CLCN7: variants seen among roughly 807,000 people sequenced by gnomAD.
CLCN7 encodes the protein H(+)/Cl(-) exchange transporter 7.
In CLCN7, 60 loss-of-function variants were observed where a neutral mutation model predicts 102.1. The ratio of observed to expected loss-of-function variants is 0.59; its 90% confidence interval spans 0.48 to 0.73. The LOEUF (loss-of-function observed/expected upper bound fraction) is 0.73, where lower values mean the gene tolerates loss of function less well. CLCN7 is among the 30% of genes least tolerant of loss of function. The pLI, the probability that CLCN7 is intolerant of heterozygous loss-of-function variation, is 0.00. For synonymous variants in CLCN7, 560 were observed against 490.5 expected (o/e 1.14, Z -1.87); for missense variants, 962 against 1,125.7 (o/e 0.85, Z 2.08).
At chr16:1,474,748 G>A (rs1345166024) in intron 1 of CLCN7, 86 bp downstream of exon 1, 3 of 1,129,952 alleles carry the variant, frequency 2.7e-6, no homozygotes, top group Non-Finnish European at 3.3e-6. Context: ...ACCGAGACAC[G>A]CGGCGCCGCC....
Position 1,474,256 on chromosome 16 carries a change from G to A in CLCN7, c.141+578C>T, listed in dbSNP as rs941402687. ...GCCTGCACATTGCAAATTCAACTCG[G>A]TGCGAAGGGAGACTGAGTACAAATA... On this transcript the variant is annotated intron_variant, in intron 1 of 24. Coordinates refer to ENST00000382745, the MANE Select transcript of CLCN7 (RefSeq NM_001287.6). 6.6e-6 allele frequency: 3 copies of A among 455,116 alleles called. No individual in the cohort carries two copies. In the Admixed American group the frequency reaches 7.1e-5, roughly 11 times the overall value. The allele number at this position is 455,116 out of a possible 1,614,324, so 28.2% of individuals were successfully genotyped here. A position where few individuals can be genotyped will look rare whatever the true frequency, so the allele number is the denominator to read the frequency against.
At position 1,446,385 on chromosome 16, in the gene CLCN7, C is replaced by G; in HGVS notation, c.*246G>C. Reference sequence around the variant, plus strand: ...AGCTGATCCCTGGAGGTAAAGAAACCTAGACGAGGAGAGTGGAGGCTGGGC... The same window carrying G: ...AGCTGATCCCTGGAGGTAAAGAAACGTAGACGAGGAGAGTGGAGGCTGGGC... On this transcript the variant is annotated 3_prime_UTR_variant, in exon 25 of 25. Transcript: ENST00000382745. The G allele has an allele frequency of 1.4e-6, 1 of 702,374 alleles. No homozygotes were observed. Among genetic ancestry groups the G allele is most frequent in the East Asian group, 2.7e-5 (1 of 37,288 alleles). The allele number at this position is 702,374 out of a possible 1,614,324, so 43.5% of individuals were successfully genotyped here.
chr16:1,474,613 C>T (rs1185345404), intron 1 of CLCN7, among the ~76,000 whole-genome samples: 1 of 152,138 alleles, frequency 6.6e-6, no homozygotes, highest in African/African-American at 2.4e-5. Flanking sequence ...CCACGCAGCC[C>T]TCCCGGCCAC....
chr16:1,461,747 A>T, intron 2 of CLCN7, 73 bp from the exon 3 acceptor site: 1 of 1,259,666 alleles, frequency 7.9e-7, no homozygotes. Flanking sequence ...CTCAGCTCAC[A>T]CACGAGGCCA....
intron 2 of CLCN7, among the ~76,000 whole-genome samples, chr16:1,462,579 T>C (rs1258430779): frequency 6.7e-6 from 1 of 149,328 alleles, no homozygotes; most frequent in Non-Finnish European, 1.5e-5. Flanking sequence ...TTTCACCATG[T>C]TGGCCAGGCT....
intron 1 of CLCN7, chr16:1,474,208 C>T (rs1194075410): frequency 2.2e-6 from 1 of 456,138 alleles, no homozygotes; most frequent in Admixed American, 2.3e-5. Context: ...ATTCCAACCT[C>T]TGACTTGCTG....
Position 1,448,469 on chromosome 16 carries a change from TG to T in CLCN7, c.1898del (p.Thr633AsnfsTer3). On this transcript the variant is annotated frameshift_variant, in exon 21 of 25. Transcript: ENST00000382745. LOFTEE classifies it high-confidence loss of function. Reference protein sequence around the residue: ...HSLTAREVMSTPVTCLRRREK... With the variant: ...HSLTAREVMSXPVTCLRRREK... ...CACGCCGCCTCAGGCAGGTCACTGG[TG>T]TGCTCATCACCTCCCTGCCGGAGGA... 1 of 1,610,664 alleles carries T rather than the reference TG, an allele frequency of 6.2e-7. No individual in the cohort carries two copies. Among genetic ancestry groups the T allele is most frequent in the Non-Finnish European group, 8.5e-7 (1 of 1,179,944 alleles).
chr16:1,449,213 C>T, intron 18 of CLCN7, 63 bp downstream of exon 18: 1 of 1,569,256 alleles, frequency 6.4e-7, no homozygotes, highest in Non-Finnish European at 8.6e-7. Context: ...CCCGCAAGGA[C>T]AGCCATGGCC....
Position 1,452,907 on chromosome 16 carries a change from T to G in CLCN7, c.1215-14A>C. 6.4e-7 allele frequency: 1 copy of G among 1,561,784 alleles called. No homozygotes were observed. The highest frequency in any genetic ancestry group is 8.7e-7 in the Non-Finnish European group (1 of 1,153,396). ...CGGTGGATGTACCTGGAACCAAGAA[T>G]CAGGCTGCATGGCAGGCAGGACGGC... On this transcript the variant is annotated splice_polypyrimidine_tract_variant and intron_variant, in intron 14 of 24. Coordinates refer to ENST00000382745, the MANE Select transcript of CLCN7 (RefSeq NM_001287.6).
chr16:1,452,782 C>T lies in CLCN7; in HGVS notation c.1326G>A (p.Gln442=). The change falls in exon 15 of 25, where the codon CAG becomes CAA. Residue 442 remains glutamine, a synonymous_variant. Coordinates refer to ENST00000382745, the MANE Select transcript of CLCN7 (RefSeq NM_001287.6). ...IYSSRDCQPL[Q]GGSMSYPLQL... is the part of the protein sequence containing the mutation. ...GCAGCGGGTAGGACATGGAGCCCCC[C>T]TGCAGGGGCTGGCAATCCCGCGACG... 1.2e-6 allele frequency: 2 copies of T among 1,605,376 alleles called. No homozygotes were observed. Among genetic ancestry groups the T allele is most frequent in the Admixed American group, 1.7e-5 (1 of 59,416 alleles).
At chr16:1,460,302 C>G (rs983355397) in intron 6 of CLCN7, 116 bp downstream of exon 6, 1 of 773,998 alleles carries the variant, frequency 1.3e-6, no homozygotes. Context: ...TAAAAGTGCC[C>G]GGGTTGTCAG....
intron 1 of CLCN7, among the ~76,000 whole-genome samples, chr16:1,467,510 C>T (rs1465800921): frequency 1.3e-5 from 2 of 152,184 alleles, no homozygotes; most frequent in Non-Finnish European, 2.9e-5. Flanking sequence ...ACATCAAAGC[C>T]CCTGGACTCC....
At chr16:1,459,260 C>A in intron 6 of CLCN7, 73 bp from the exon 7 acceptor site, 1 of 1,034,288 alleles carries the variant, frequency 9.7e-7, no homozygotes, top group Non-Finnish European at 1.4e-6. Context: ...GCCCCAGGAG[C>A]CCCAGGAGCT....
rs771365308 is a variant in CLCN7, at chr16:1,453,893, G to C, written c.1155C>G (p.Gly385=). The C allele has an allele frequency of 1.2e-6, 2 of 1,613,140 alleles. No individual in the cohort carries two copies. Among genetic ancestry groups the C allele is most frequent in the Non-Finnish European group, 1.7e-6 (2 of 1,180,006 alleles). Residue 385 remains glycine (G), a splice_region_variant and synonymous_variant, in exon 14 of 25, where the codon GGC becomes GGG. Transcript: ENST00000382745. ...IPVFIAMGVV[G]GVLGAVFNAL... ...CATTGAACACTGCTCCAAGCACACCGCCTGCGAACAGGGGAAAGGCCAGTC... is the reference window on the plus strand; with the variant it reads ...CATTGAACACTGCTCCAAGCACACCCCCTGCGAACAGGGGAAAGGCCAGTC...
chr16:1,447,627 G>A (rs770396358), intron 22 of CLCN7, 28 bp downstream of exon 22: 56 of 1,550,522 alleles, frequency 3.6e-5, no homozygotes, highest in African/African-American at 9.6e-5. Context: ...GCCCCCACCC[G>A]CCCAATGGCC....
intron 2 of CLCN7, among the ~76,000 whole-genome samples, chr16:1,461,911 CCT>C (rs2038943894): frequency 6.6e-6 from 1 of 151,826 alleles, no homozygotes; most frequent in Non-Finnish European, 1.5e-5. Flanking sequence ...AAGATGAAAC[CCT>C]GTCGCTACTA....
intron 24 of CLCN7, 135 bp from the exon 25 acceptor site, chr16:1,446,852 C>CG: frequency 9.0e-7 from 1 of 1,110,292 alleles, no homozygotes; most frequent in Non-Finnish European, 1.3e-6. Context: ...GAGCTGAGCA[C>CG]GGGGCTGGGG....
chr16:1,455,860 C>T, intron 10 of CLCN7, 65 bp from the exon 11 acceptor site: 3 of 1,558,028 alleles, frequency 1.9e-6, no homozygotes, highest in Non-Finnish European at 1.8e-6. Context: ...CCACCAACTC[C>T]CTCCCCCAGG....
Position 1,445,454 on chromosome 16 carries a change from G to A in CLCN7, c.*1177C>T, listed in dbSNP as rs1365296906. The A allele has an allele frequency of 1.3e-5, 2 of 152,386 alleles. No homozygotes were observed. The highest frequency in any genetic ancestry group is 4.8e-5 in the African/African-American group (2 of 41,446). The allele number at this position is 152,386 out of a possible 1,614,324, so 9.4% of individuals were successfully genotyped here. A position where few individuals can be genotyped will look rare whatever the true frequency, so the allele number is the denominator to read the frequency against. The stretch of plus-strand genomic sequence containing the variant: ...GCTCCCGGGGAGGCCCCACTCCCTG[G>A]GGAGGAAATACACGGCAGGGGGCCG... On this transcript the variant is annotated 3_prime_UTR_variant, in exon 25 of 25. Coordinates refer to ENST00000382745, the MANE Select transcript of CLCN7 (RefSeq NM_001287.6).
Sources: gnomAD v4.1 joint callset for allele counts (sites outside exome capture counted in the v4.1 genomes callset) on GRCh38, gnomAD v4.1.1 for gene constraint, MANE v1.5 for transcripts, NCBI Gene and HGNC (gene_info 2026-07-23, HGNC 2026-07-21) for gene names.